Variants in FANCB observed in about 807,000 individuals in gnomAD.
FANCB encodes Fanconi anemia group B protein.
A neutral mutation model predicts 38.9 loss-of-function variants in FANCB; 5 were observed. That is an observed-to-expected ratio of 0.13 (90% CI 0.07 to 0.27). The LOEUF (loss-of-function observed/expected upper bound fraction) is 0.27. Ranked by LOEUF, FANCB falls within the 10% of genes least tolerant of loss-of-function variation. FANCB has a pLI of 1.00. For synonymous variants in FANCB, 236 were observed against 215.4 expected, an observed-to-expected ratio of 1.10 and a Z score of -0.84; for missense variants, 573 against 602.7, an observed-to-expected ratio of 0.95 and a Z score of 0.52.
the FANCB span, among the ~76,000 whole-genome samples, chrX:14,708,145 G>GTATC: frequency 9.0e-6 from 1 of 111,315 alleles, no homozygotes; most frequent in African/African-American, 3.3e-5. Context: ...CTGAAACTTT[G>GTATC]TATCCCTTGA....
the FANCB span, among the ~76,000 whole-genome samples, chrX:14,700,114 T>C: frequency 1.8e-5 from 2 of 111,162 alleles, no homozygotes; most frequent in Admixed American, 9.6e-5. Flanking sequence ...CAGTGTGGGA[T>C]AGGTGAAATG....
chrX:14,845,422 T>G (rs2092372360), intron 7 of FANCB, 136 bp from the exon 8 acceptor site: 1 of 536,252 alleles, frequency 1.9e-6, no homozygotes, highest in South Asian at 3.1e-5. Flanking sequence ...AAATGTAAAA[T>G]ATATCAAAAA....
At chrX:14,708,829 G>A in the FANCB span, among the ~76,000 whole-genome samples, 1 of 110,850 alleles carries the variant, frequency 9.0e-6, no homozygotes. Context: ...CCAGCTACTC[G>A]GGAAGCTGAG....
the FANCB span, among the ~76,000 whole-genome samples, chrX:14,812,496 C>T: frequency 6.3e-5 from 7 of 111,388 alleles, no homozygotes; most frequent in Non-Finnish European, 1.1e-4. Context: ...ACCACTGATC[C>T]CACAGAAATA....
chrX:14,699,236 C>T, the FANCB span, among the ~76,000 whole-genome samples: 1 of 112,002 alleles, frequency 8.9e-6, no homozygotes, highest in Non-Finnish European at 1.9e-5. Flanking sequence ...TGCAGCCTCA[C>T]CTGCATTTAT....
In FANCB at chrX:14,855,403, T is replaced by C. The variant is rs970674636; in HGVS notation, c.1198-2236A>G. On this transcript the variant is annotated intron_variant, in intron 5 of 9. Transcript: ENST00000650831. Reference sequence around the variant, plus strand: ...TACATTGAAAGCTACTGTTAAAATATGGATACTTGAAACAAAATGGATATT... The same window carrying C: ...TACATTGAAAGCTACTGTTAAAATACGGATACTTGAAACAAAATGGATATT... Among the ~76,000 whole-genome samples, 10 of 112,443 alleles carry C rather than the reference T, an allele frequency of 8.9e-5. No homozygotes were observed. In the East Asian group the frequency reaches 1.4e-3, roughly 16 times the overall value.
chrX:14,773,843 A>G, the FANCB span, among the ~76,000 whole-genome samples: 1 of 110,987 alleles, frequency 9.0e-6, no homozygotes, highest in Non-Finnish European at 1.9e-5. Flanking sequence ...ACAACCTCAC[A>G]TCTCTACACC....
chrX:14,794,013 ATTTG>A, the FANCB span, among the ~76,000 whole-genome samples: 9 of 111,360 alleles, frequency 8.1e-5, no homozygotes, highest in African/African-American at 9.8e-5. Flanking sequence ...ATTTGCTCTT[ATTTG>A]TTTGTTTGTC....
At chrX:14,732,891 C>T in the FANCB span, among the ~76,000 whole-genome samples, 3 of 111,803 alleles carry the variant, frequency 2.7e-5, no homozygotes, top group Non-Finnish European at 3.8e-5. Flanking sequence ...AATTAGATCC[C>T]GTTTGTCAAT....
chrX:14,709,165 T>TC, the FANCB span, among the ~76,000 whole-genome samples: 1 of 110,908 alleles, frequency 9.0e-6, no homozygotes, highest in East Asian at 2.8e-4. Flanking sequence ...GGCCAGCAGT[T>TC]CAAGGCTGCA....
the FANCB span, among the ~76,000 whole-genome samples, chrX:14,760,822 T>G: frequency 9.0e-6 from 1 of 110,562 alleles, no homozygotes; most frequent in Non-Finnish European, 1.9e-5. Context: ...TACAAAAAAA[T>G]TAGCTGGGTG....
downstream of FANCB, among the ~76,000 whole-genome samples, chrX:14,840,728 G>C (rs967742698): frequency 3.6e-5 from 4 of 111,884 alleles, no homozygotes; most frequent in Non-Finnish European, 7.5e-5. Flanking sequence ...CTGCTGCTGT[G>C]GGGAAATGAA....
chrX:14,757,889 G>A, the FANCB span, among the ~76,000 whole-genome samples: 5 of 111,633 alleles, frequency 4.5e-5, no homozygotes, highest in African/African-American at 9.8e-5. Flanking sequence ...ACGGCAGGCA[G>A]GCGGCAGACG....
chrX:14,730,509 C>G, the FANCB span: 1 of 1,072,898 alleles, frequency 9.3e-7, no homozygotes, highest in African/African-American at 2.0e-5. Context: ...ACCCTGGGAC[C>G]TTCTTGCCTC....
At chrX:14,751,707 G>A in the FANCB span, among the ~76,000 whole-genome samples, 3 of 111,737 alleles carry the variant, frequency 2.7e-5, no homozygotes, top group South Asian at 3.7e-4. Flanking sequence ...GGGATAAAAG[G>A]GTAAAAGGAG....
At chrX:14,848,115 T>C (rs939000531) in intron 7 of FANCB, among the ~76,000 whole-genome samples, 1 of 111,693 alleles carries the variant, frequency 9.0e-6, no homozygotes, top group Non-Finnish European at 1.9e-5. Flanking sequence ...CAACCAAATA[T>C]CAAAGAGTAG....
the FANCB span, among the ~76,000 whole-genome samples, chrX:14,818,705 ATTTAC>A: frequency 8.9e-6 from 1 of 112,017 alleles, no homozygotes; most frequent in Admixed American, 9.5e-5. Context: ...AACAGTTGAC[ATTTAC>A]TTTAATATTT....
the FANCB span, among the ~76,000 whole-genome samples, chrX:14,795,792 G>A: frequency 8.9e-6 from 1 of 111,886 alleles, no homozygotes; most frequent in Admixed American, 9.5e-5. Flanking sequence ...TACCGGAGCT[G>A]GAAAGGCAAT....
At chrX:14,834,274 G>GA (rs2092335152), downstream of FANCB, among the ~76,000 whole-genome samples, 1 of 111,292 alleles carries the variant, frequency 9.0e-6, no homozygotes, top group African/African-American at 3.3e-5. Context: ...CTTAAAACAA[G>GA]AAAGGGTGGA....
Sources: gnomAD v4.1 joint callset for allele counts (sites outside exome capture counted in the v4.1 genomes callset) on GRCh38, gnomAD v4.1.1 for gene constraint, MANE v1.5 for transcripts, NCBI Gene and HGNC (gene_info 2026-07-23, HGNC 2026-07-21) for gene names.